Variants in MICU3 observed in about 807,000 individuals in gnomAD.
MICU3 encodes the protein calcium uptake protein 3, mitochondrial.
MICU3 carries 62 observed loss-of-function variants against 66.5 expected under a neutral mutation model. The ratio of observed to expected loss-of-function variants is 0.93; its 90% confidence interval spans 0.76 to 1.15. The LOEUF (loss-of-function observed/expected upper bound fraction) is 1.15. Ranked by LOEUF, MICU3 falls within the 50% of genes most tolerant of loss-of-function variation. The pLI is 0.00. For synonymous variants in MICU3, 308 were observed against 240.7 expected (o/e 1.28, Z -2.59); for missense variants, 779 against 664.4 (o/e 1.17, Z -1.90).
At chr8:17,100,750 C>T (rs3862112) in intron 9 of MICU3, among the ~76,000 whole-genome samples, 82,013 of 151,312 alleles carry the variant, frequency 0.54, 24,497 homozygotes, top group African/African-American at 0.81. Context: ...TCTCCAATTA[C>T]TGTGAAACCA....
In MICU3 at chr8:17,110,634, G is replaced by A. The variant is rs546953570; in HGVS notation, c.1258-3459G>A. Among the ~76,000 whole-genome samples the A allele has an allele frequency of 6.6e-5, 10 of 152,068 alleles. No individual in the cohort carries two copies. In the South Asian group the frequency reaches 2.1e-3, roughly 32 times the overall value. ...GCTGGAGTGCAGTGGTGCAACCATA[G>A]GTCACTGTAGCCCCGAACTCCTTGG... On this transcript the variant is annotated intron_variant, in intron 11 of 14. Transcript: ENST00000318063.
At chr8:17,137,906 A>G in the MICU3 span, among the ~76,000 whole-genome samples, 4 of 151,628 alleles carry the variant, frequency 2.6e-5, no homozygotes, top group Admixed American at 6.6e-5. Context: ...TCGTAGAGAC[A>G]GGGTTTCACC....
At position 17,030,587 on chromosome 8, in the gene MICU3, T is replaced by C. The variant is rs142865591; in HGVS notation, c.381+2927T>C. Reference sequence around the variant, plus strand: ...TGTCAGTATTTTATACCTCTTTTTCTCTGATGCTGTTGAGCGTCTACAAAA... The same window carrying C: ...TGTCAGTATTTTATACCTCTTTTTCCCTGATGCTGTTGAGCGTCTACAAAA... On this transcript the variant is annotated intron_variant, in intron 1 of 14. Transcript: ENST00000318063. Among the ~76,000 whole-genome samples, 846 of 152,332 alleles carry C rather than the reference T, an allele frequency of 5.6e-3. 8 individuals carry two copies. The highest frequency in any genetic ancestry group is 0.016 in the African/African-American group (665 of 41,572).
intron 1 of MICU3, among the ~76,000 whole-genome samples, chr8:17,045,451 A>G (rs559967336): frequency 6.6e-6 from 1 of 152,280 alleles, no homozygotes; most frequent in South Asian, 2.1e-4. Flanking sequence ...ATCCAGTCAC[A>G]TTTCAACATG....
At chr8:17,075,310 G>A (rs1455516454) in intron 3 of MICU3, among the ~76,000 whole-genome samples, 4 of 152,108 alleles carry the variant, frequency 2.6e-5, no homozygotes, top group Non-Finnish European at 4.4e-5. Flanking sequence ...TTGGCTGTGT[G>A]ATTGAACTTA....
rs1476134171 is a variant in MICU3 at position 17,090,543 on chromosome 8, C to G, written c.850-3C>G. 6.2e-7 allele frequency: 1 copy of G among 1,610,926 alleles called. No individual in the cohort carries two copies. The highest frequency in any genetic ancestry group is 2.2e-5 in the East Asian group (1 of 44,728). ...TCATTTGGCCCTTTGTGCTCTATGT[C>G]AGCGTCTTCAACTTTATGGATACCA... is the stretch of plus-strand genomic sequence containing the variant. On this transcript the variant is annotated splice_region_variant and splice_polypyrimidine_tract_variant and intron_variant, in intron 7 of 14. Coordinates refer to ENST00000318063, the MANE Select transcript of MICU3 (RefSeq NM_181723.3).
At chr8:17,113,719 T>C (rs528121950) in intron 11 of MICU3, among the ~76,000 whole-genome samples, 1 of 152,300 alleles carries the variant, frequency 6.6e-6, no homozygotes, top group African/African-American at 2.4e-5. Flanking sequence ...GGCTTTTTTT[T>C]CTGTTTTTTT....
intron 9 of MICU3, among the ~76,000 whole-genome samples, chr8:17,101,357 C>T (rs933098947): frequency 2.0e-5 from 3 of 151,766 alleles, no homozygotes; most frequent in Non-Finnish European, 4.4e-5. Flanking sequence ...CTGTTAAGAT[C>T]CCAAGGACAC....
intron 4 of MICU3, among the ~76,000 whole-genome samples, chr8:17,080,687 T>G (rs529461687): frequency 6.6e-6 from 1 of 152,116 alleles, no homozygotes; most frequent in Admixed American, 6.6e-5. Flanking sequence ...AATATTCTAG[T>G]ATAAACAAAA....
intron 11 of MICU3, among the ~76,000 whole-genome samples, chr8:17,112,031 G>C (rs1044147810): frequency 6.6e-6 from 1 of 151,572 alleles, no homozygotes; most frequent in African/African-American, 2.4e-5. Context: ...GATCTCATGA[G>C]AATTCACTCA....
At chr8:17,093,769 G>A (rs952383522) in intron 8 of MICU3, among the ~76,000 whole-genome samples, 4 of 151,788 alleles carry the variant, frequency 2.6e-5, no homozygotes, top group African/African-American at 9.7e-5. Context: ...TTAGTTATCA[G>A]AATGAATATA....
downstream of MICU3, among the ~76,000 whole-genome samples, chr8:17,123,490 A>G (rs1803317711): frequency 6.6e-6 from 1 of 152,146 alleles, no homozygotes; most frequent in South Asian, 2.1e-4. Context: ...AAAGAAGTGC[A>G]AGTTAAAATG....
chr8:17,037,995 AC>A (rs1446007595), intron 1 of MICU3, among the ~76,000 whole-genome samples: 1 of 151,688 alleles, frequency 6.6e-6, no homozygotes, highest in East Asian at 1.9e-4. Flanking sequence ...CAATGTCTCT[AC>A]CCCCTTTGTA....
intron 3 of MICU3, among the ~76,000 whole-genome samples, chr8:17,077,238 T>C (rs1283091511): frequency 6.6e-6 from 1 of 152,224 alleles, no homozygotes; most frequent in Non-Finnish European, 1.5e-5. Flanking sequence ...CCCTTGTCTT[T>C]CTGCTTCATC....
the MICU3 span, among the ~76,000 whole-genome samples, chr8:17,134,663 C>T: frequency 2.0e-5 from 3 of 152,142 alleles, no homozygotes; most frequent in African/African-American, 7.2e-5. Context: ...CCAGGATGGT[C>T]TCAATCTCCT....
intron 1 of MICU3, among the ~76,000 whole-genome samples, chr8:17,033,791 T>C (rs767197098): frequency 6.6e-6 from 1 of 152,032 alleles, no homozygotes; most frequent in South Asian, 2.1e-4. Flanking sequence ...AGAAGAAAAG[T>C]TGGAAGTTAG....
chr8:17,078,709 A>C (rs1353503437), intron 4 of MICU3, among the ~76,000 whole-genome samples: 2 of 152,022 alleles, frequency 1.3e-5, no homozygotes, highest in Non-Finnish European at 2.9e-5. Flanking sequence ...GTTATAATTC[A>C]TATATTTTAT....
At chr8:17,084,673 A>G (rs1799266131) in intron 5 of MICU3, among the ~76,000 whole-genome samples, 1 of 152,120 alleles carries the variant, frequency 6.6e-6, no homozygotes, top group Non-Finnish European at 1.5e-5. Flanking sequence ...AGCACTTCAT[A>G]GTATGTGAAA....
At chr8:17,103,531 T>C (rs75450849) in intron 9 of MICU3, among the ~76,000 whole-genome samples, 5,916 of 151,836 alleles carry the variant, frequency 0.039, 424 homozygotes, top group African/African-American at 0.14. Context: ...TTGAATTTTA[T>C]GCTTTTTGTA....
Sources: gnomAD v4.1 joint callset for allele counts (sites outside exome capture counted in the v4.1 genomes callset) on GRCh38, gnomAD v4.1.1 for gene constraint, MANE v1.5 for transcripts, NCBI Gene and HGNC (gene_info 2026-07-23, HGNC 2026-07-21) for gene names.